HSF5: variants seen among roughly 807,000 people sequenced by gnomAD.
HSF5 encodes heat shock factor protein 5.
In HSF5, 5 loss-of-function variants were observed where a neutral mutation model predicts 50.8. The observed-to-expected ratio is 0.10, with a 90% confidence interval of 0.05 to 0.21. The LOEUF is 0.21. Ranked by LOEUF, HSF5 falls within the 10% of genes least tolerant of loss-of-function variation. The pLI, the probability that HSF5 is intolerant of heterozygous loss-of-function variation, is 1.00. For missense variants in HSF5, 564 were observed against 762.6 expected (o/e 0.74, Z 3.07); for synonymous variants, 307 against 307.4 (o/e 1.00, Z 0.02).
At chr17:58,473,335 T>C (rs919820670) in intron 2 of HSF5, among the ~76,000 whole-genome samples, 9 of 152,166 alleles carry the variant, frequency 5.9e-5, no homozygotes, top group Non-Finnish European at 1.0e-4. Context: ...GTTTAAAACT[T>C]TGAAAAAAAG....
intron 3 of HSF5, 126 bp downstream of exon 3, chr17:58,466,759 C>T (rs1290043646): frequency 4.8e-6 from 3 of 627,644 alleles, no homozygotes; most frequent in Non-Finnish European, 8.6e-6. Flanking sequence ...ATTGAGAAAA[C>T]AAAGCCCATT....
chr17:58,476,033 CAAACAAAAA>C (rs1381533451), intron 2 of HSF5: 1 of 404,482 alleles, frequency 2.5e-6, no homozygotes, highest in East Asian at 5.7e-5. Context: ...AAGAGGAAAA[CAAACAAAAA>C]AAACAAAACC....
intron 5 of HSF5, among the ~76,000 whole-genome samples, chr17:58,452,233 A>G (rs797004099): frequency 1.6e-4 from 25 of 152,162 alleles, no homozygotes; most frequent in African/African-American, 6.0e-4. Context: ...TTCGCAACAC[A>G]GTGAGACCCT....
At chr17:58,432,078 G>A (rs1398652728) in intron 5 of HSF5, among the ~76,000 whole-genome samples, 3 of 152,092 alleles carry the variant, frequency 2.0e-5, no homozygotes, top group Non-Finnish European at 4.4e-5. Context: ...TAAATTTTAT[G>A]AGCATTTATC....
chr17:58,454,512 T>C (rs1053383836), intron 5 of HSF5, among the ~76,000 whole-genome samples: 2 of 152,124 alleles, frequency 1.3e-5, no homozygotes, highest in Non-Finnish European at 2.9e-5. Flanking sequence ...AAGAAATAAA[T>C]GGCATCCAAA....
chr17:58,437,768 T>C (rs559650600), intron 5 of HSF5, among the ~76,000 whole-genome samples: 3 of 152,344 alleles, frequency 2.0e-5, no homozygotes, highest in East Asian at 3.9e-4. Context: ...TCTTAAATGG[T>C]TGCACAGTAT....
intron 5 of HSF5, among the ~76,000 whole-genome samples, chr17:58,433,857 A>G (rs1205281907): frequency 6.6e-6 from 1 of 152,006 alleles, no homozygotes; most frequent in Non-Finnish European, 1.5e-5. Flanking sequence ...CTCTAAGGAA[A>G]GCAGAAAAAG....
At chr17:58,464,937 ATTT>A (rs750451910) in intron 3 of HSF5, among the ~76,000 whole-genome samples, 5 of 140,178 alleles carry the variant, frequency 3.6e-5, no homozygotes, top group African/African-American at 5.2e-5. Context: ...CGCCTGGCAG[ATTT>A]TTTTTTTTTT....
intron 5 of HSF5, among the ~76,000 whole-genome samples, chr17:58,430,811 T>C (rs1192624550): frequency 1.3e-5 from 2 of 152,224 alleles, no homozygotes; most frequent in African/African-American, 2.4e-5. Context: ...TATGTCTATA[T>C]ACAGTCAGGA....
At chr17:58,430,716 G>C (rs1272734018) in intron 5 of HSF5, among the ~76,000 whole-genome samples, 1 of 152,238 alleles carries the variant, frequency 6.6e-6, no homozygotes, top group East Asian at 1.9e-4. Context: ...TACACTGCCA[G>C]GGTCTCCAGC....
At chr17:58,486,902 CTTTTTTT>C (rs11351236) in intron 1 of HSF5, among the ~76,000 whole-genome samples, 4 of 79,920 alleles carry the variant, frequency 5.0e-5, no homozygotes, top group African/African-American at 1.9e-4. Flanking sequence ...TAAGTTCTCT[CTTTTTTT>C]TTTTTTTTTT....
chr17:58,459,095 T>C (rs1974755104), intron 4 of HSF5, 150 bp from the exon 5 acceptor site: 1 of 658,488 alleles, frequency 1.5e-6, no homozygotes, highest in South Asian at 2.1e-5. Flanking sequence ...ACTATACCTT[T>C]CTCCCTACAC....
At chr17:58,435,005 C>T (rs116475928) in intron 5 of HSF5, among the ~76,000 whole-genome samples, 164 of 152,168 alleles carry the variant, frequency 1.1e-3, no homozygotes, top group African/African-American at 3.7e-3. Context: ...GGAAAGGCAG[C>T]GTGTAGGGTT....
rs184633810 is a variant in HSF5, at chr17:58,464,486, C to T, written c.1021-1183G>A. Among the ~76,000 whole-genome samples, 8 of 152,338 alleles carry T rather than the reference C, an allele frequency of 5.3e-5. No homozygotes were observed. In the East Asian group the frequency reaches 1.5e-3, roughly 29 times the overall value. On this transcript the variant is annotated intron_variant, in intron 3 of 5. Coordinates refer to ENST00000323777, the MANE Select transcript of HSF5 (RefSeq NM_001080439.3). ...ATACAATGTACTGACTGTGCACGCA[C>T]ACTCTCACCCATACCTACAGTCCAA...
At chr17:58,453,705 AAATC>A (rs1974671144) in intron 5 of HSF5, among the ~76,000 whole-genome samples, 1 of 152,214 alleles carries the variant, frequency 6.6e-6, no homozygotes, top group Non-Finnish European at 1.5e-5. Flanking sequence ...CAACATATAC[AAATC>A]AATCAATGTA....
chr17:58,420,651 CAT>C lies in HSF5; in HGVS notation c.*1707_*1708del, dbSNP rs1317865848. On this transcript the variant is annotated 3_prime_UTR_variant, in exon 6 of 6. Coordinates refer to ENST00000323777, the MANE Select transcript of HSF5 (RefSeq NM_001080439.3). ...ATTTGGAAATTGGGTCTCCTCTTCA[CAT>C]ACTCTGACAAAATATTATATAGTCT... 2.0e-5 allele frequency: 3 copies of C among 152,326 alleles called. No individual in the cohort carries two copies. In the East Asian group the frequency reaches 5.8e-4, roughly 29 times the overall value. The allele number at this position is 152,326 out of a possible 1,614,324, so 9.4% of individuals were successfully genotyped here.
At chr17:58,477,462 CT>C (rs34369632) in intron 2 of HSF5, among the ~76,000 whole-genome samples, 93,520 of 119,416 alleles carry the variant, frequency 0.78, 35,830 homozygotes, top group East Asian at 0.96. Context: ...CTCCATTCCC[CT>C]TTTTTTTTTT....
chr17:58,470,494 A>G (rs2143792923), intron 2 of HSF5, among the ~76,000 whole-genome samples: 1 of 152,342 alleles, frequency 6.6e-6, no homozygotes, highest in East Asian at 1.9e-4. Flanking sequence ...ATTAGAGATT[A>G]CCAGGGGTTG....
chr17:58,481,176 C>G (rs1016808415), intron 1 of HSF5, among the ~76,000 whole-genome samples: 13 of 152,164 alleles, frequency 8.5e-5, no homozygotes, highest in African/African-American at 2.9e-4. Flanking sequence ...TTAAATCAAT[C>G]AATCATTTTC....
Sources: allele counts gnomAD v4.1 joint callset (sites outside exome capture counted in the v4.1 genomes callset), GRCh38; gene constraint gnomAD v4.1.1; transcripts MANE v1.5; gene names NCBI Gene and HGNC (gene_info 2026-07-23, HGNC 2026-07-21).